The following TFPT variants were observed in gnomAD, a reference collection of about 807,000 sequenced individuals.
TFPT encodes INO80 complex subunit F.
TFPT carries 27 observed loss-of-function variants against 28.8 expected under a neutral mutation model. The ratio of observed to expected loss-of-function variants is 0.94; its 90% CI spans 0.69 to 1.29. The LOEUF (loss-of-function observed/expected upper bound fraction) is 1.29, where lower values mean the gene tolerates loss of function less well. TFPT is among the 50% of genes most tolerant of loss of function. The probability of loss-of-function intolerance (pLI) is 0.00; values close to 1 mark genes in which losing one functional copy is unlikely to be tolerated. For missense variants in TFPT, 330 were observed against 338.0 expected (o/e 0.98, Z 0.19); for synonymous variants, 152 against 142.8 (o/e 1.06, Z -0.46).
In TFPT at chr19:54,115,622, C is replaced by T. The variant is rs1292475706; in HGVS notation, c.-353G>A. The T allele has an allele frequency of 2.3e-6, 1 of 426,138 alleles. No individual in the cohort carries two copies. The allele number at this position is 426,138 out of a possible 1,614,324, so 26.4% of individuals were successfully genotyped here. On this transcript the variant is annotated 5_prime_UTR_variant, in exon 1 of 6. Coordinates refer to ENST00000391759, the MANE Select transcript of TFPT (RefSeq NM_013342.4). ...ACGTGAGTCCCTTTCCTCCTCGCGG[C>T]TTACCGCCTCTCTCCGCCTAGTGCC...
chr19:54,114,154 G>A (rs1600308746), intron 2 of TFPT, among the ~76,000 whole-genome samples: 1 of 152,208 alleles, frequency 6.6e-6, no homozygotes, highest in Admixed American at 6.5e-5. Flanking sequence ...TATGGGAGAT[G>A]TGAAGAGCTT....
At position 54,108,066 on chromosome 19, in the gene TFPT, C is replaced by A; in HGVS notation, c.602G>T (p.Arg201Leu). The part of the protein sequence containing the change: ...KRRRVPRDGR[R>L]AGNALTPELA... ...CTCTGGAGTCAGCGCATTTCCTGCT[C>A]GGCGTCCATCCCGTGGCACTCGCCG... The change falls in exon 5 of 6, where the codon CGA becomes CTA. Residue 201 changes from arginine to leucine, a missense_variant. Coordinates refer to ENST00000391759, the MANE Select transcript of TFPT (RefSeq NM_013342.4). The A allele has an allele frequency of 1.3e-6, 2 of 1,541,442 alleles. No individual in the cohort carries two copies. The highest frequency in any genetic ancestry group is 1.7e-6 in the Non-Finnish European group (2 of 1,145,100).
At chr19:54,107,336 C>T (rs587659544) in intron 5 of TFPT, 167 bp from the exon 6 acceptor site, 4 of 879,330 alleles carry the variant, frequency 4.5e-6, no homozygotes, top group East Asian at 5.1e-5. Flanking sequence ...GCAGCCTCTG[C>T]CTCCCAGGCT....
At position 54,114,583 on chromosome 19, in the gene TFPT, A is replaced by G; in HGVS notation, c.141T>C (p.Phe47=). Residue 47 remains phenylalanine (F), a synonymous_variant, in exon 2 of 6, where the codon TTT becomes TTC. Transcript: ENST00000391759. The part of the protein sequence containing the change: ...LESELETEVE[F]VSGGLGGSGL... Reference sequence around the variant, plus strand: ...CTGAGCCGCCCAGACCACCTGACACAAACTCCACTTCCGTCTCCAGCTCGC... The same window carrying G: ...CTGAGCCGCCCAGACCACCTGACACGAACTCCACTTCCGTCTCCAGCTCGC... 1 of 1,614,038 alleles carries G rather than the reference A, an allele frequency of 6.2e-7. No individual in the cohort carries two copies. The highest frequency in any genetic ancestry group is 2.2e-5 in the East Asian group (1 of 44,878).
intron 2 of TFPT, among the ~76,000 whole-genome samples, chr19:54,112,998 C>T (rs1279818029): frequency 1.4e-5 from 2 of 140,072 alleles, no homozygotes; most frequent in Admixed American, 8.2e-5. Flanking sequence ...GAGGCTGAGT[C>T]AGGAGAATCA....
chr19:54,108,030 A>G lies in TFPT; in HGVS notation c.638T>C (p.Val213Ala). 2 of 1,518,414 alleles carry G rather than the reference A, an allele frequency of 1.3e-6. No homozygotes were observed. Among genetic ancestry groups the G allele is most frequent in the South Asian group, 1.3e-5 (1 of 75,444 alleles). The allele number at this position is 1,518,414 out of a possible 1,614,324, so 94.1% of individuals were successfully genotyped here. ...GNALTPELAP[V>A]QIKVEEDFGF... Reference sequence around the variant, plus strand: ...TTGAGTTCCCGCCTTCCTCACCTGCACCGGGGCCAGCTCTGGAGTCAGCGC... The same window carrying G: ...TTGAGTTCCCGCCTTCCTCACCTGCGCCGGGGCCAGCTCTGGAGTCAGCGC... The change falls in exon 5 of 6, where the codon GTG becomes GCG. Residue 213 changes from valine to alanine, a missense_variant. Transcript: ENST00000391759.
At chr19:54,115,133 T>G in intron 1 of TFPT, 114 bp downstream of exon 1, 1 of 1,505,798 alleles carries the variant, frequency 6.6e-7, no homozygotes. Context: ...GTAAAGCAGT[T>G]GCATGAACTA....
rs191833355 is a variant in TFPT at position 54,107,339 on chromosome 19, C to T, written c.643-170G>A. ...TCATAGTTCACTGCAGCCTCTGCCT[C>T]CCAGGCTCAAGTGATCCTCCCACCT... On this transcript the variant is annotated intron_variant, in intron 5 of 5. Coordinates refer to ENST00000391759, the MANE Select transcript of TFPT (RefSeq NM_013342.4). 108 of 864,452 alleles carry T rather than the reference C, an allele frequency of 1.2e-4. No homozygotes were observed. In the African/African-American group the frequency reaches 1.6e-3, roughly 13 times the overall value. 53.5% of individuals were successfully genotyped at this position (864,452 alleles called of 1,614,324 possible). A position where few individuals can be genotyped will look rare whatever the true frequency, so the allele number is the denominator to read the frequency against.
In TFPT at chr19:54,108,075, T is replaced by C; in HGVS notation, c.593A>G (p.Asp198Gly). ...CAGCGCATTTCCTGCTCGGCGTCCA[T>C]CCCGTGGCACTCGCCGCCTCTTCCG... is the stretch of plus-strand genomic sequence containing the variant. ...SGRKRRRVPR[D>G]GRRAGNALTP... Residue 198 changes from aspartate (D) to glycine (G), a missense_variant, in exon 5 of 6, where the codon GAT becomes GGT. Coordinates refer to ENST00000391759, the MANE Select transcript of TFPT (RefSeq NM_013342.4). The C allele has an allele frequency of 6.4e-7, 1 of 1,554,078 alleles. No homozygotes were observed. The highest frequency in any genetic ancestry group is 8.7e-7 in the Non-Finnish European group (1 of 1,150,796).
rs1285639290 is a variant in TFPT, at chr19:54,113,723, ACT to A, written c.282+717_282+718del. On this transcript the variant is annotated intron_variant, in intron 2 of 5. Transcript: ENST00000391759. ...TTGATTGATTTTGAGACGGAGTCTC[ACT>A]CTGTCACCCAGGCTGGAGTACAGCA... 2.6e-5 allele frequency among the ~76,000 whole-genome samples: 4 copies of A among 152,174 alleles called. 1 individual carries two copies. In the South Asian group the frequency reaches 8.3e-4, roughly 32 times the overall value.
intron 3 of TFPT, chr19:54,108,623 C>G: frequency 6.6e-7 from 1 of 1,506,668 alleles, no homozygotes; most frequent in Non-Finnish European, 8.9e-7. Context: ...GCTCTGCAAA[C>G]GACATGACAC....
chr19:54,114,190 C>T (rs1447234549), intron 2 of TFPT, among the ~76,000 whole-genome samples: 3 of 152,190 alleles, frequency 2.0e-5, no homozygotes, highest in Non-Finnish European at 4.4e-5. Flanking sequence ...AGCGGTGCCA[C>T]GCATTGAGAG....
chr19:54,109,312 G>A (rs1454867167), intron 3 of TFPT: 1 of 152,954 alleles, frequency 6.5e-6, no homozygotes, highest in African/African-American at 2.4e-5. Flanking sequence ...GAGGGAGGAT[G>A]AACTAGCAGA....
intron 2 of TFPT, among the ~76,000 whole-genome samples, chr19:54,111,399 C>T (rs771426912): frequency 2.7e-5 from 4 of 150,670 alleles, no homozygotes; most frequent in Admixed American, 6.6e-5. Context: ...AAAAATTGGC[C>T]GGATGTTGTG....
At chr19:54,108,472 A>G in intron 3 of TFPT, 77 bp from the exon 4 acceptor site, 1 of 1,613,700 alleles carries the variant, frequency 6.2e-7, no homozygotes, top group Non-Finnish European at 8.5e-7. Context: ...GATAGAGCTC[A>G]GCTCCCACTC....
intron 2 of TFPT, among the ~76,000 whole-genome samples, chr19:54,111,497 T>TAA (rs11304668): frequency 2.1e-4 from 23 of 111,090 alleles, no homozygotes; most frequent in African/African-American, 6.7e-4. Flanking sequence ...TCATCTCTAC[T>TAA]AAAAAAAAAA....
rs587748485 is a variant in TFPT, at chr19:54,107,105, C to T, written c.707G>A (p.Arg236Gln). 8.0e-5 allele frequency: 129 copies of T among 1,613,844 alleles called. No homozygotes were observed. In the East Asian group the frequency reaches 9.1e-4, roughly 11 times the overall value. Reference protein sequence around the residue: ...DEALDSSWVSRGPDKLLPYPT... With the variant: ...DEALDSSWVSQGPDKLLPYPT... Reference sequence around the variant, plus strand: ...GTAGGGCAGCAGTTTGTCTGGACCCCGAGAAACCCAACTGGAATCCAGGGC... The same window carrying T: ...GTAGGGCAGCAGTTTGTCTGGACCCTGAGAAACCCAACTGGAATCCAGGGC... The change falls in exon 6 of 6, where the codon CGG becomes CAG. Residue 236 changes from arginine to glutamine, a missense_variant. Arg to Gln is a conservative substitution (Grantham distance 43). Transcript: ENST00000391759.
chr19:54,115,083 C>G, intron 1 of TFPT, 164 bp downstream of exon 1: 1 of 1,027,896 alleles, frequency 9.7e-7, no homozygotes, highest in Non-Finnish European at 1.4e-6. Flanking sequence ...CTAACCTTCT[C>G]CTCCCTCAGG....
Position 54,108,336 on chromosome 19 carries a change from A to G in TFPT, c.413T>C (p.Ile138Thr), listed in dbSNP as rs759925165. ...AGGCCCAACACTCACCTCCAGCACA[A>G]TGGTGAACTGGCTGGCCCGGTAGTC... is the stretch of plus-strand genomic sequence containing the variant. ...GDDYRASQFT[I>T]VLEDEGSQGT... The change falls in exon 4 of 6, where the codon ATT (isoleucine) becomes ACT (threonine). Residue 138 changes from isoleucine (I) to threonine (T), a missense_variant. Transcript: ENST00000391759. The G allele has an allele frequency of 1.9e-5, 30 of 1,606,824 alleles. No homozygotes were observed. The highest frequency in any genetic ancestry group is 2.5e-5 in the Non-Finnish European group (29 of 1,176,384).
Sources: gnomAD v4.1 joint callset for allele counts (sites outside exome capture counted in the v4.1 genomes callset) on GRCh38, gnomAD v4.1.1 for gene constraint, MANE v1.5 for transcripts, NCBI Gene and HGNC (gene_info 2026-07-23, HGNC 2026-07-21) for gene names.